The following OPTN variants were observed in gnomAD, a reference collection of about 807,000 sequenced individuals.
OPTN encodes the protein optineurin.
In OPTN, 54 loss-of-function variants were observed where a neutral mutation model predicts 70.4. The ratio of observed to expected loss-of-function variants is 0.77; its 90% confidence interval spans 0.62 to 0.96. The LOEUF (loss-of-function observed/expected upper bound fraction) is 0.96, where lower values mean the gene tolerates loss of function less well. Among genes scored for constraint, OPTN ranks in the 40% least tolerant of loss-of-function variants. The pLI, the probability that OPTN is intolerant of heterozygous loss-of-function variation, is 0.00. For missense variants in OPTN, 624 were observed against 673.2 expected (o/e 0.93, Z 0.81); for synonymous variants, 256 against 248.5 (o/e 1.03, Z -0.28).
At chr10:13,104,841 G>A in intron 1 of OPTN, 2 of 414,978 alleles carry the variant, frequency 4.8e-6, no homozygotes, top group Non-Finnish European at 9.1e-6. Context: ...AGATCTTCAA[G>A]GAACGAAGAA....
intron 1 of OPTN, among the ~76,000 whole-genome samples, chr10:13,106,976 G>C (rs1832878844): frequency 6.6e-6 from 1 of 152,154 alleles, no homozygotes; most frequent in Non-Finnish European, 1.5e-5. Flanking sequence ...TCGCTTCCAA[G>C]TTCTCTCCTC....
chr10:13,134,117 C>T (rs1430472873), intron 14 of OPTN, among the ~76,000 whole-genome samples: 2 of 152,170 alleles, frequency 1.3e-5, no homozygotes, highest in African/African-American at 2.4e-5. Flanking sequence ...CCTACAGCCA[C>T]ACTTTTAAAC....
chr10:13,112,979 C>T (rs1015836221), intron 5 of OPTN, among the ~76,000 whole-genome samples: 1 of 152,036 alleles, frequency 6.6e-6, no homozygotes, highest in African/African-American at 2.4e-5. Context: ...AAGCTGTATT[C>T]CGCAGTTCAC....
rs148179091 is a variant in OPTN at position 13,129,738 on chromosome 10, C to T, written c.1401+1835C>T. ...TGCCTAACCAAAATTATACTCTCAC[C>T]AAAAGATAAGCACTCCTATGTCCTC... is the stretch of plus-strand genomic sequence containing the variant. On this transcript the variant is annotated intron_variant, in intron 12 of 14. Coordinates refer to ENST00000378747, the MANE Select transcript of OPTN (RefSeq NM_001008212.2). Among the ~76,000 whole-genome samples the T allele has an allele frequency of 4.4e-3, 673 of 152,288 alleles. 4 individuals carry two copies. Among genetic ancestry groups the T allele is most frequent in the African/African-American group, 0.015 (637 of 41,568 alleles).
rs766298824 is a variant in OPTN, at chr10:13,137,757, T to C, written c.*891T>C. 8.7e-6 allele frequency: 2 copies of C among 229,224 alleles called. No individual in the cohort carries two copies. Among genetic ancestry groups the C allele is most frequent in the Non-Finnish European group, 8.7e-6 (1 of 115,578 alleles). The allele number at this position is 229,224 out of a possible 1,614,324, so 14.2% of individuals were successfully genotyped here. A position where few individuals can be genotyped will look rare whatever the true frequency, so the allele number is the denominator to read the frequency against. Reference sequence around the variant, plus strand: ...TAATATCAAGACAAGTGAAAAAATATTGGCATCGATGAAACCGATAACATT... The same window carrying C: ...TAATATCAAGACAAGTGAAAAAATACTGGCATCGATGAAACCGATAACATT... On this transcript the variant is annotated 3_prime_UTR_variant, in exon 15 of 15. Coordinates refer to ENST00000378747, the MANE Select transcript of OPTN (RefSeq NM_001008212.2).
At chr10:13,129,571 T>TC (rs1368174379) in intron 12 of OPTN, among the ~76,000 whole-genome samples, 1 of 138,290 alleles carries the variant, frequency 7.2e-6, no homozygotes, top group Non-Finnish European at 1.6e-5. Context: ...CATGGTGGTC[T>TC]CGAACAGTTG....
intron 5 of OPTN, among the ~76,000 whole-genome samples, chr10:13,115,526 A>G (rs573972694): frequency 1.9e-5 from 2 of 107,102 alleles, no homozygotes; most frequent in Admixed American, 2.4e-4. Context: ...TATATTCTAT[A>G]ATATATAATA....
At chr10:13,104,804 G>A (rs1280565575) in intron 1 of OPTN, 5 of 482,298 alleles carry the variant, frequency 1.0e-5, no homozygotes, top group Admixed American at 1.0e-4. Context: ...GATGCTATTC[G>A]AGATGTTCAA....
intron 1 of OPTN, among the ~76,000 whole-genome samples, chr10:13,103,008 T>C (rs1832783787): frequency 6.6e-6 from 1 of 151,938 alleles, no homozygotes; most frequent in Non-Finnish European, 1.5e-5. Flanking sequence ...GGTGACCCAT[T>C]AGACTTGGGG....
intron 4 of OPTN, among the ~76,000 whole-genome samples, chr10:13,111,362 C>T (rs1832990628): frequency 6.6e-6 from 1 of 152,034 alleles, no homozygotes; most frequent in Non-Finnish European, 1.5e-5. Flanking sequence ...TATTTGAATA[C>T]AATAAAATAA....
At chr10:13,124,589 T>C (rs1482222058) in intron 9 of OPTN, among the ~76,000 whole-genome samples, 4 of 152,238 alleles carry the variant, frequency 2.6e-5, no homozygotes, top group Non-Finnish European at 5.9e-5. Flanking sequence ...TGTAAGAAGT[T>C]ACCCAAAACT....
intron 7 of OPTN, among the ~76,000 whole-genome samples, chr10:13,120,506 G>A (rs1355298125): frequency 1.3e-5 from 2 of 150,762 alleles, no homozygotes; most frequent in African/African-American, 2.4e-5. Context: ...TTGGCCTGGC[G>A]CGGTGGCCAA....
intron 5 of OPTN, among the ~76,000 whole-genome samples, chr10:13,115,230 GATATATCTAT>G (rs1833145723): frequency 1.5e-4 from 5 of 33,770 alleles, no homozygotes; most frequent in Non-Finnish European, 2.0e-4. Flanking sequence ...TTTATATATA[GATATATCTAT>G]ATATATCTAT....
chr10:13,129,514 A>G (rs925019859), intron 12 of OPTN, among the ~76,000 whole-genome samples: 103 of 152,192 alleles, frequency 6.8e-4, no homozygotes, highest in Non-Finnish European at 5.0e-4. Context: ...CACCACGCTC[A>G]GCTAATTTTT....
intron 1 of OPTN, among the ~76,000 whole-genome samples, chr10:13,106,568 C>T (rs1832869226): frequency 6.6e-6 from 1 of 152,160 alleles, no homozygotes; most frequent in African/African-American, 2.4e-5. Context: ...TTGGTACTAG[C>T]TCTTGTAGGA....
At position 13,109,079 on chromosome 10, in the gene OPTN, C is replaced by T. The variant is rs549476762; in HGVS notation, c.-11-33C>T. ...CGGGGACCCCTTGTGGGGCGGGGGA[C>T]AGCTCTATTTTCAACAGGTGACTTT... On this transcript the variant is annotated intron_variant, in intron 2 of 14. Coordinates refer to ENST00000378747, the MANE Select transcript of OPTN (RefSeq NM_001008212.2). 2.6e-5 allele frequency: 41 copies of T among 1,605,622 alleles called. No homozygotes were observed. In the East Asian group the frequency reaches 8.3e-4, roughly 32 times the overall value.
At chr10:13,133,124 G>A (rs1833627732) in intron 13 of OPTN, among the ~76,000 whole-genome samples, 1 of 152,096 alleles carries the variant, frequency 6.6e-6, no homozygotes, top group African/African-American at 2.4e-5. Flanking sequence ...CTGTGTTTAA[G>A]TTACAAAATG....
chr10:13,126,303 C>T (rs1161492754), intron 11 of OPTN, among the ~76,000 whole-genome samples: 6 of 131,000 alleles, frequency 4.6e-5, no homozygotes, highest in South Asian at 4.9e-4. Flanking sequence ...TTTTTTGAGA[C>T]GGAGTCTCGC....
chr10:13,115,499 A>C (rs190061388), intron 5 of OPTN, among the ~76,000 whole-genome samples: 8 of 96,150 alleles, frequency 8.3e-5, no homozygotes, highest in African/African-American at 4.0e-4. Context: ...ATATTATATA[A>C]TATAGAATAT....
Sources: allele counts gnomAD v4.1 joint callset (sites outside exome capture counted in the v4.1 genomes callset), GRCh38; gene constraint gnomAD v4.1.1; transcripts MANE v1.5; gene names NCBI Gene and HGNC (gene_info 2026-07-23, HGNC 2026-07-21).